UCK2: variants seen among roughly 807,000 people sequenced by gnomAD.
The protein encoded by UCK2 is cytidine monophosphokinase 2.
In UCK2, 6 loss-of-function variants were observed where a neutral mutation model predicts 30.8. The observed-to-expected ratio is 0.19, with a 90% CI of 0.11 to 0.38. UCK2 has a LOEUF of 0.38. UCK2 is among the 10% of genes least tolerant of loss of function. UCK2 has a pLI of 1.00. For synonymous variants in UCK2, 125 were observed against 133.6 expected (o/e 0.94, Z 0.45); for missense variants, 210 against 339.8 (o/e 0.62, Z 3.00).
intron 1 of UCK2, among the ~76,000 whole-genome samples, chr1:165,836,158 G>A (rs1267087441): frequency 2.6e-5 from 4 of 152,118 alleles, no homozygotes; most frequent in Admixed American, 6.5e-5. Flanking sequence ...AACCCAGGAA[G>A]CAGAGGTTGC....
chr1:165,899,114 A>G (rs1181783052), intron 4 of UCK2, among the ~76,000 whole-genome samples: 1 of 152,066 alleles, frequency 6.6e-6, no homozygotes, highest in African/African-American at 2.4e-5. Flanking sequence ...CCATGATTTT[A>G]CCCATCTGTC....
intron 1 of UCK2, among the ~76,000 whole-genome samples, chr1:165,839,305 G>A (rs1654269575): frequency 6.6e-6 from 1 of 152,178 alleles, no homozygotes; most frequent in Admixed American, 6.5e-5. Context: ...GAGAGGTAGT[G>A]AATACTCTTC....
At position 165,901,693 on chromosome 1, in the gene UCK2, A is replaced by G. The variant is rs558671263; in HGVS notation, c.500-1489A>G. ...AGATTAAGATAGCATTTAAAATGAC[A>G]TCTGCAAAGAGAGGCAGTTTTAATT... On this transcript the variant is annotated intron_variant, in intron 4 of 6. Coordinates refer to ENST00000367879, the MANE Select transcript of UCK2 (RefSeq NM_012474.5). Among the ~76,000 whole-genome samples the G allele has an allele frequency of 2.0e-4, 30 of 152,292 alleles. No homozygotes were observed. In the South Asian group the frequency reaches 5.0e-3, roughly 25 times the overall value.
intron 2 of UCK2, chr1:165,890,811 T>C (rs1440397019): frequency 7.6e-6 from 2 of 263,170 alleles, no homozygotes; most frequent in Admixed American, 5.0e-5. Context: ...ATCAGCACAC[T>C]GCTCCTTTAG....
rs1343148863 is a variant in UCK2 at position 165,909,630 on chromosome 1, C to T, written c.*1807C>T. The T allele has an allele frequency of 6.6e-6, 1 of 152,292 alleles. No homozygotes were observed. The highest frequency in any genetic ancestry group is 1.9e-4 in the East Asian group (1 of 5,202). The allele number at this position is 152,292 out of a possible 1,614,324, so 9.4% of individuals were successfully genotyped here. On this transcript the variant is annotated 3_prime_UTR_variant, in exon 7 of 7. Transcript: ENST00000367879. Reference sequence around the variant, plus strand: ...GCAGGCTCTGAAGGGAGCTCCCAGTCACAGCAGCCGCCTACTTGGAGCAAG... The same window carrying T: ...GCAGGCTCTGAAGGGAGCTCCCAGTTACAGCAGCCGCCTACTTGGAGCAAG...
rs117426526 is a variant in UCK2 at position 165,874,209 on chromosome 1, C to G, written c.100-15995C>G. 6.0e-4 allele frequency among the ~76,000 whole-genome samples: 92 copies of G among 152,286 alleles called. 1 individual carries two copies. The East Asian group carries it at 0.013, about 21-fold the overall frequency. Reference sequence around the variant, plus strand: ...GCACTGATTCTCTGGGCTCCACAATCACCTGGGCCATTTCCTGGGCCACCC... The same window carrying G: ...GCACTGATTCTCTGGGCTCCACAATGACCTGGGCCATTTCCTGGGCCACCC... On this transcript the variant is annotated intron_variant, in intron 1 of 6. Transcript: ENST00000367879.
At chr1:165,887,176 ATAAG>A (rs1208119743) in intron 1 of UCK2, among the ~76,000 whole-genome samples, 23 of 152,338 alleles carry the variant, frequency 1.5e-4, no homozygotes, top group African/African-American at 5.1e-4. Flanking sequence ...CTGCTGCCTA[ATAAG>A]TAATCATTTA....
At chr1:165,831,851 C>T (rs1335520642) in intron 1 of UCK2, among the ~76,000 whole-genome samples, 1 of 152,130 alleles carries the variant, frequency 6.6e-6, no homozygotes, top group Non-Finnish European at 1.5e-5. Flanking sequence ...CTGCAACCTC[C>T]ACCTCCTGGG....
chr1:165,886,388 G>C (rs373980574), intron 1 of UCK2, among the ~76,000 whole-genome samples: 56 of 152,132 alleles, frequency 3.7e-4, no homozygotes, highest in Middle Eastern at 6.8e-3. Flanking sequence ...TTGATCTCCT[G>C]GGCTCAAGCA....
intron 1 of UCK2, among the ~76,000 whole-genome samples, chr1:165,856,442 C>G (rs368821195): frequency 1.4e-5 from 2 of 144,168 alleles, no homozygotes; most frequent in Non-Finnish European, 3.0e-5. Flanking sequence ...TTCCTCCCCC[C>G]ACCCCCACCC....
chr1:165,836,336 T>A (rs1429474138), intron 1 of UCK2, among the ~76,000 whole-genome samples: 1 of 152,230 alleles, frequency 6.6e-6, no homozygotes, highest in Non-Finnish European at 1.5e-5. Context: ...ATTTGATGAT[T>A]CTGTGGATAA....
chr1:165,855,356 C>T (rs1271340460), intron 1 of UCK2, among the ~76,000 whole-genome samples: 1 of 152,118 alleles, frequency 6.6e-6, no homozygotes, highest in African/African-American at 2.4e-5. Flanking sequence ...AAATAAGGTG[C>T]TTATATATAG....
Position 165,855,868 on chromosome 1 carries a change from A to G in UCK2, c.99+27936A>G, listed in dbSNP as rs558033523. 2.6e-5 allele frequency among the ~76,000 whole-genome samples: 4 copies of G among 152,278 alleles called. No individual in the cohort carries two copies. The South Asian group carries it at 6.2e-4, about 24-fold the overall frequency. On this transcript the variant is annotated intron_variant, in intron 1 of 6. Transcript: ENST00000367879. The stretch of plus-strand genomic sequence containing the variant: ...AATGTGAAACCTTGGGAATAGTTGC[A>G]GAGTAGAGAAATCAAAATACACAAT...
chr1:165,907,196 G>A (rs1647693390), intron 6 of UCK2, among the ~76,000 whole-genome samples: 1 of 152,078 alleles, frequency 6.6e-6, no homozygotes, highest in South Asian at 2.1e-4. Flanking sequence ...TCTTGGTTGA[G>A]GTATATAATT....
rs1301936203 is a variant in UCK2, at chr1:165,907,832, C to T, written c.*9C>T. The T allele has an allele frequency of 1.9e-6, 3 of 1,613,570 alleles. No individual in the cohort carries two copies. The highest frequency in any genetic ancestry group is 1.7e-6 in the Non-Finnish European group (2 of 1,179,678). ...GCAGCAGGCCGCATTGACCCGTCTC[C>T]ATCGGACCCCAGCCCCTATCTCCAA... is the stretch of plus-strand genomic sequence containing the variant. On this transcript the variant is annotated 3_prime_UTR_variant, in exon 7 of 7. Coordinates refer to ENST00000367879, the MANE Select transcript of UCK2 (RefSeq NM_012474.5).
intron 1 of UCK2, among the ~76,000 whole-genome samples, chr1:165,869,387 A>T (rs1478668141): frequency 1.3e-5 from 2 of 152,098 alleles, no homozygotes; most frequent in African/African-American, 4.8e-5. Flanking sequence ...CAATAAAATG[A>T]AGTATGCCTG....
chr1:165,891,222 T>G lies in UCK2; in HGVS notation c.260-4T>G, dbSNP rs754084012. On this transcript the variant is annotated splice_polypyrimidine_tract_variant and splice_region_variant and intron_variant, in intron 2 of 6. Transcript: ENST00000367879. ...AAACATTTTAACAATTTGGTATTTTTCAGATGCCTTTGACAATGAACTCAT... is the reference window on the plus strand; with the variant it reads ...AAACATTTTAACAATTTGGTATTTTGCAGATGCCTTTGACAATGAACTCAT... The G allele has an allele frequency of 6.2e-7, 1 of 1,613,932 alleles. No homozygotes were observed. Among genetic ancestry groups the G allele is most frequent in the South Asian group, 1.1e-5 (1 of 91,070 alleles).
At chr1:165,900,038 C>T (rs920673098) in intron 4 of UCK2, 1 of 152,286 alleles carries the variant, frequency 6.6e-6, no homozygotes, top group Non-Finnish European at 1.5e-5. Flanking sequence ...TTTCCTTCCT[C>T]ACGTATGTTG....
chr1:165,868,898 A>T (rs1417011610), intron 1 of UCK2, among the ~76,000 whole-genome samples: 1 of 152,202 alleles, frequency 6.6e-6, no homozygotes, highest in African/African-American at 2.4e-5. Flanking sequence ...GGCTTTCGAC[A>T]TGCCTTCCTC....
Sources: allele counts gnomAD v4.1 joint callset (sites outside exome capture counted in the v4.1 genomes callset), GRCh38; gene constraint gnomAD v4.1.1; transcripts MANE v1.5; gene names NCBI Gene and HGNC (gene_info 2026-07-23, HGNC 2026-07-21).